FAIM2: variants seen among roughly 807,000 people sequenced by gnomAD.
FAIM2 encodes protein lifeguard 2.
Under a neutral mutation model 47.4 loss-of-function variants are expected in FAIM2, and 27 were observed. The ratio of observed to expected loss-of-function variants is 0.57; its 90% CI spans 0.42 to 0.78. The LOEUF (loss-of-function observed/expected upper bound fraction) is 0.78. Ranked by LOEUF, FAIM2 falls within the 30% of genes least tolerant of loss-of-function variation. The pLI is 0.00. For synonymous variants in FAIM2, 156 were observed against 159.3 expected (o/e 0.98, Z 0.16); for missense variants, 311 against 389.4 (o/e 0.80, Z 1.69).
chr12:49,879,680 GTGTATC>G (rs1362911461), intron 11 of FAIM2, among the ~76,000 whole-genome samples: 5 of 135,472 alleles, frequency 3.7e-5, no homozygotes, highest in Admixed American at 7.6e-5. Flanking sequence ...GTGTGCATGT[GTGTATC>G]TGTGTCTGTG....
intron 11 of FAIM2, among the ~76,000 whole-genome samples, chr12:49,882,500 C>G (rs990898089): frequency 2.6e-5 from 4 of 152,182 alleles, no homozygotes. Context: ...AGGGGAGCTG[C>G]AGATGAACAC....
chr12:49,880,854 A>G (rs1470736679), intron 11 of FAIM2, among the ~76,000 whole-genome samples: 2 of 147,664 alleles, frequency 1.4e-5, no homozygotes, highest in East Asian at 4.0e-4. Context: ...GTATATGGAT[A>G]TGCATGTGTG....
chr12:49,878,412 GTGTA>G (rs1447628528), intron 11 of FAIM2, among the ~76,000 whole-genome samples: 7 of 93,966 alleles, frequency 7.4e-5, no homozygotes, highest in Admixed American at 1.2e-4. Context: ...GTGCATGTGA[GTGTA>G]TGTGTGTGTA....
At chr12:49,901,372 C>A (rs1336447194) in intron 1 of FAIM2, 47 bp from the exon 2 acceptor site, 1 of 1,381,646 alleles carries the variant, frequency 7.2e-7, no homozygotes, top group Non-Finnish European at 9.6e-7. Flanking sequence ...GGAAAGGGAG[C>A]CTTCCAACTC....
chr12:49,871,128 G>A (rs568287731), intron 11 of FAIM2, among the ~76,000 whole-genome samples: 11 of 152,252 alleles, frequency 7.2e-5, no homozygotes, highest in East Asian at 1.9e-4. Context: ...AGCAGGGCCC[G>A]GGCACTTGTG....
intron 5 of FAIM2, among the ~76,000 whole-genome samples, chr12:49,896,028 C>G (rs1457935842): frequency 6.6e-6 from 1 of 152,240 alleles, no homozygotes; most frequent in African/African-American, 2.4e-5. Flanking sequence ...CCTGGGAACG[C>G]TGTCTCCTGT....
At chr12:49,898,433 T>C (rs1946956351) in intron 2 of FAIM2, among the ~76,000 whole-genome samples, 1 of 152,218 alleles carries the variant, frequency 6.6e-6, no homozygotes, top group Non-Finnish European at 1.5e-5. Flanking sequence ...ACATTCTGGC[T>C]CCCTTGTGGT....
chr12:49,875,355 G>C (rs1946729000), intron 11 of FAIM2, among the ~76,000 whole-genome samples: 2 of 152,092 alleles, frequency 1.3e-5, no homozygotes, highest in South Asian at 4.2e-4. Context: ...GGTGAGCTTG[G>C]GCTTTGGGGA....
At chr12:49,878,002 ATGTGCATG>A (rs1476441674) in intron 11 of FAIM2, among the ~76,000 whole-genome samples, 2 of 149,736 alleles carry the variant, frequency 1.3e-5, no homozygotes, top group Non-Finnish European at 3.0e-5. Flanking sequence ...GTATGTGTGC[ATGTGCATG>A]TGTGTATGTG....
chr12:49,880,389 T>C (rs1946806802), intron 11 of FAIM2, among the ~76,000 whole-genome samples: 1 of 151,870 alleles, frequency 6.6e-6, no homozygotes, highest in African/African-American at 2.4e-5. Flanking sequence ...TGTCTATGTG[T>C]GCATGTGAGT....
At position 49,898,077 on chromosome 12, in the gene FAIM2, G is replaced by A; in HGVS notation, c.225C>T (p.Ser75=). The change falls in exon 3 of 12, where the codon AGC becomes AGT. Residue 75 remains serine, a synonymous_variant. Transcript: ENST00000320634. ...WAYVDPSSSS[S]YDNGFPTGDH... is the part of the protein sequence containing the mutation. ...CTCCGGTGGGGAAACCGTTGTCATA[G>A]CTGGAGCTGCTGCCTGTGTGGCACG... The A allele has an allele frequency of 3.1e-6, 5 of 1,613,754 alleles. No individual in the cohort carries two copies. The highest frequency in any genetic ancestry group is 3.4e-6 in the Non-Finnish European group (4 of 1,179,650).
intron 11 of FAIM2, among the ~76,000 whole-genome samples, chr12:49,880,529 T>G (rs1356381579): frequency 7.4e-6 from 1 of 135,454 alleles, no homozygotes; most frequent in East Asian, 2.2e-4. Context: ...CATGTGTATA[T>G]GTGCGTGTGT....
Position 49,884,219 on chromosome 12 carries a change from G to A in FAIM2, c.801+3167C>T, listed in dbSNP as rs143311407. On this transcript the variant is annotated intron_variant, in intron 11 of 11. Transcript: ENST00000320634. Reference sequence around the variant, plus strand: ...AGCCTGGGCGACACAGCCAGACTCCGTCTCAGAAAAAAAAAAAAACAAAAA... The same window carrying A: ...AGCCTGGGCGACACAGCCAGACTCCATCTCAGAAAAAAAAAAAAACAAAAA... Among the ~76,000 whole-genome samples, 1,678 of 97,220 alleles carry A rather than the reference G, an allele frequency of 0.017. 65 individuals carry two copies. In the East Asian group the frequency reaches 0.19, roughly 11 times the overall value. 63.8% of individuals were successfully genotyped at this position (97,220 alleles called of 152,430 possible). A position where few individuals can be genotyped will look rare whatever the true frequency, so the allele number is the denominator to read the frequency against.
chr12:49,880,776 ATGAG>A (rs1241552152), intron 11 of FAIM2, among the ~76,000 whole-genome samples: 2 of 151,304 alleles, frequency 1.3e-5, no homozygotes, highest in Admixed American at 6.6e-5. Context: ...ATGTGTGTAT[ATGAG>A]TGTGTATGTA....
Position 49,870,278 on chromosome 12 carries a change from A to T in FAIM2, c.*226T>A, listed in dbSNP as rs1946692355. On this transcript the variant is annotated 3_prime_UTR_variant, in exon 12 of 12. Transcript: ENST00000320634. ...TTGACCGTCCCAGTTTGGAAGATGT[A>T]ACGGGCGAATGGGGCGGCACAGGGA... 1 of 452,364 alleles carries T rather than the reference A, an allele frequency of 2.2e-6. No homozygotes were observed. Among genetic ancestry groups the T allele is most frequent in the African/African-American group, 2.0e-5 (1 of 50,908 alleles). 28.0% of individuals were successfully genotyped at this position (452,364 alleles called of 1,614,324 possible). A position where few individuals can be genotyped will look rare whatever the true frequency, so the allele number is the denominator to read the frequency against.
At chr12:49,872,557 G>A (rs1446966684) in intron 11 of FAIM2, among the ~76,000 whole-genome samples, 3 of 152,220 alleles carry the variant, frequency 2.0e-5, no homozygotes, top group Non-Finnish European at 2.9e-5. Flanking sequence ...ACGCAGCCCT[G>A]TAGAATCCTA....
At chr12:49,898,112 A>ACCT in intron 2 of FAIM2, 22 bp from the exon 3 acceptor site, 1 of 1,572,174 alleles carries the variant, frequency 6.4e-7, no homozygotes, top group East Asian at 2.2e-5. Flanking sequence ...GTGGAGGAGG[A>ACCT]GGACATGAGG....
At chr12:49,891,370 C>A (rs1047928907) in intron 5 of FAIM2, among the ~76,000 whole-genome samples, 3 of 152,190 alleles carry the variant, frequency 2.0e-5, no homozygotes, top group Admixed American at 2.0e-4. Flanking sequence ...TTCCTGACCA[C>A]CCAATACAAA....
At chr12:49,890,261 CTT>C (rs1946891166) in intron 7 of FAIM2, 107 bp from the exon 8 acceptor site, 5 of 982,962 alleles carry the variant, frequency 5.1e-6, no homozygotes, top group Non-Finnish European at 8.1e-6. Context: ...CCCCTCAACT[CTT>C]TGTCTATGTC....
Sources: allele counts gnomAD v4.1 joint callset (sites outside exome capture counted in the v4.1 genomes callset), GRCh38; gene constraint gnomAD v4.1.1; transcripts MANE v1.5; gene names NCBI Gene and HGNC (gene_info 2026-07-23, HGNC 2026-07-21).